Variants in NBN observed in about 807,000 individuals in gnomAD.
NBN encodes the protein Nijmegen breakage syndrome 1 (nibrin).
A neutral mutation model predicts 90.8 loss-of-function variants in NBN; 88 were observed. The ratio of observed to expected loss-of-function variants is 0.97; its 90% confidence interval spans 0.82 to 1.16. The LOEUF is 1.16. Ranked by LOEUF, NBN falls within the 50% of genes most tolerant of loss-of-function variation. The pLI, the probability that NBN is intolerant of heterozygous loss-of-function variation, is 0.00. For missense variants in NBN, 894 were observed against 869.6 expected, an observed-to-expected ratio of 1.03 and a Z score of -0.35; for synonymous variants, 328 against 295.1, an observed-to-expected ratio of 1.11 and a Z score of -1.14.
chr8:89,940,554 A>G (rs1809891505), intron 14 of NBN, among the ~76,000 whole-genome samples: 1 of 152,076 alleles, frequency 6.6e-6, no homozygotes, highest in African/African-American at 2.4e-5. Context: ...AGCAAACAGA[A>G]TATCTGGAAA....
At position 89,984,607 on chromosome 8, in the gene NBN, G is replaced by C. The variant is rs751549166; in HGVS notation, c.-46C>G. 2 of 1,608,618 alleles carry C rather than the reference G, an allele frequency of 1.2e-6. No homozygotes were observed. Among genetic ancestry groups the C allele is most frequent in the South Asian group, 1.1e-5 (1 of 90,462 alleles). ...GGGGCCGACGTGCAACCGCGTAACC[G>C]GGGCTGCTAGACGAGCGCGGATACG... On this transcript the variant is annotated 5_prime_UTR_variant, in exon 1 of 16. Coordinates refer to ENST00000265433, the MANE Select transcript of NBN (RefSeq NM_002485.5).
rs2130756258 is a variant in NBN at position 89,943,361 on chromosome 8, T to C, written c.2076A>G (p.Thr692=). Reference sequence around the variant, plus strand: ...GTGGAAGTTTTCCTGCTCCAGGATATGTGACCTATTGAATAATAAAAGTAG... The same window carrying C: ...GTGGAAGTTTTCCTGCTCCAGGATACGTGACCTATTGAATAATAAAAGTAG... ...LKNFKKFKKV[T]YPGAGKLPHI... Residue 692 remains threonine (T), a synonymous_variant, in exon 14 of 16, where the codon ACA becomes ACG. Transcript: ENST00000265433. 1.9e-6 allele frequency: 3 copies of C among 1,601,014 alleles called. No homozygotes were observed. Among genetic ancestry groups the C allele is most frequent in the Non-Finnish European group, 2.6e-6 (3 of 1,168,306 alleles).
intron 11 of NBN, among the ~76,000 whole-genome samples, chr8:89,949,367 T>C (rs1234869343): frequency 6.6e-6 from 1 of 152,252 alleles, no homozygotes; most frequent in Non-Finnish European, 1.5e-5. Context: ...GAAAATGCTG[T>C]AGTTTTAAGA....
intron 8 of NBN, among the ~76,000 whole-genome samples, chr8:89,962,286 G>C (rs976706685): frequency 2.0e-5 from 3 of 152,140 alleles, no homozygotes; most frequent in African/African-American, 7.2e-5. Flanking sequence ...TTTCTAAACA[G>C]AGAAACACAG....
chr8:89,944,610 G>A (rs1810105065), intron 13 of NBN, among the ~76,000 whole-genome samples: 1 of 152,084 alleles, frequency 6.6e-6, no homozygotes, highest in Non-Finnish European at 1.5e-5. Context: ...CTGGTGCTGG[G>A]GCTCTGATAC....
At chr8:89,939,401 A>G (rs1809833574) in intron 14 of NBN, among the ~76,000 whole-genome samples, 1 of 151,986 alleles carries the variant, frequency 6.6e-6, no homozygotes, top group Non-Finnish European at 1.5e-5. Context: ...TGGTGAAATC[A>G]TCTAGAACAC....
At chr8:89,937,222 T>C (rs1259440315) in intron 14 of NBN, 147 bp from the exon 15 acceptor site, 1 of 686,292 alleles carries the variant, frequency 1.5e-6, no homozygotes, top group African/African-American at 1.8e-5. Context: ...AATATTTCAT[T>C]CAACTGATCC....
At chr8:89,958,085 C>T (rs1409243942) in intron 9 of NBN, among the ~76,000 whole-genome samples, 1 of 152,080 alleles carries the variant, frequency 6.6e-6, no homozygotes, top group African/African-American at 2.4e-5. Context: ...AACCTAGATC[C>T]CTCACATGCA....
At chr8:89,961,069 C>G (rs761916523) in intron 8 of NBN, among the ~76,000 whole-genome samples, 10 of 152,176 alleles carry the variant, frequency 6.6e-5, no homozygotes, top group Non-Finnish European at 1.5e-4. Context: ...CAGAAAAAAG[C>G]ACCAGTCTGG....
rs747493132 is a variant in NBN at position 89,984,590 on chromosome 8, C to T, written c.-29G>A. ...TCCGGCTCCTCAGGGCTGGGGCCGA[C>T]GTGCAACCGCGTAACCGGGGCTGCT... On this transcript the variant is annotated 5_prime_UTR_variant, in exon 1 of 16. Coordinates refer to ENST00000265433, the MANE Select transcript of NBN (RefSeq NM_002485.5). 3.1e-6 allele frequency: 5 copies of T among 1,611,822 alleles called. No homozygotes were observed. The highest frequency in any genetic ancestry group is 1.1e-5 in the South Asian group (1 of 90,868).
At chr8:89,961,231 ACAAT>A (rs1295911739) in intron 8 of NBN, among the ~76,000 whole-genome samples, 1 of 152,240 alleles carries the variant, frequency 6.6e-6, no homozygotes, top group Non-Finnish European at 1.5e-5. Flanking sequence ...ACAGTGGGTG[ACAAT>A]ATTTTGTTGC....
chr8:89,960,681 A>C (rs1025659712), intron 8 of NBN, among the ~76,000 whole-genome samples: 2 of 152,106 alleles, frequency 1.3e-5, no homozygotes, highest in African/African-American at 4.8e-5. Context: ...CTAATGACCC[A>C]AAATAACTGG....
chr8:89,953,795 G>A (rs753141411), intron 10 of NBN, 104 bp from the exon 11 acceptor site: 2 of 847,844 alleles, frequency 2.4e-6, no homozygotes, highest in Non-Finnish European at 3.7e-6. Context: ...AGTTCACAAT[G>A]TACTCTTGAT....
At chr8:89,973,105 C>G (rs2293775) in intron 5 of NBN, among the ~76,000 whole-genome samples, 77,183 of 152,086 alleles carry the variant, frequency 0.51, 21,921 homozygotes, top group African/African-American at 0.77. Context: ...TTATTAGTGT[C>G]ATTCTTTAAC....
At position 89,955,273 on chromosome 8, in the gene NBN, A is replaced by G. The variant is rs1554558985; in HGVS notation, c.1397+10T>C. 6.2e-7 allele frequency: 1 copy of G among 1,613,408 alleles called. No individual in the cohort carries two copies. On this transcript the variant is annotated intron_variant, in intron 10 of 15. Coordinates refer to ENST00000265433, the MANE Select transcript of NBN (RefSeq NM_002485.5). ...TTTCAGAGACATGAGAGAAGTTATCAAAAACAGACCTTTTTTTGGTAGACG... is the reference window on the plus strand; with the variant it reads ...TTTCAGAGACATGAGAGAAGTTATCGAAAACAGACCTTTTTTTGGTAGACG...
intron 5 of NBN, among the ~76,000 whole-genome samples, chr8:89,972,332 T>C (rs1381663996): frequency 1.3e-5 from 2 of 152,346 alleles, no homozygotes; most frequent in South Asian, 2.1e-4. Flanking sequence ...TTCACTACAA[T>C]AGATGCTGTA....
chr8:89,961,415 T>C (rs1810986292), intron 8 of NBN, among the ~76,000 whole-genome samples: 1 of 152,120 alleles, frequency 6.6e-6, no homozygotes, highest in Admixed American at 6.6e-5. Flanking sequence ...ACTGGTTATA[T>C]CCAAAGTAGG....
intron 5 of NBN, among the ~76,000 whole-genome samples, chr8:89,977,543 A>G (rs559094884): frequency 3.3e-5 from 5 of 152,306 alleles, no homozygotes; most frequent in East Asian, 3.9e-4. Context: ...ATATGTGTGC[A>G]TGTGTCTTTA....
Position 89,981,504 on chromosome 8 carries a change from G to A in NBN, c.191C>T (p.Pro64Leu), listed in dbSNP as rs1563581492. 6.2e-7 allele frequency: 1 copy of A among 1,612,956 alleles called. No homozygotes were observed. The highest frequency in any genetic ancestry group is 8.5e-7 in the Non-Finnish European group (1 of 1,179,144). ...VTNLSQTDEIPVLTLKDNSKY... is the reference protein window; with the variant it reads ...VTNLSQTDEILVLTLKDNSKY... ...AGAATTATCTTTTAATGTCAATACAGGGATTTCATCTGTTTGACTCTGAAA... is the reference window on the plus strand; with the variant it reads ...AGAATTATCTTTTAATGTCAATACAAGGATTTCATCTGTTTGACTCTGAAA... The change falls in exon 3 of 16, where the codon CCT becomes CTT. Residue 64 changes from proline to leucine, a missense_variant. By Grantham distance (98) the Pro-to-Leu change is moderately conservative (BLOSUM62 -3). Transcript: ENST00000265433.
Sources: allele counts gnomAD v4.1 joint callset (sites outside exome capture counted in the v4.1 genomes callset), GRCh38; gene constraint gnomAD v4.1.1; transcripts MANE v1.5; gene names NCBI Gene and HGNC (gene_info 2026-07-23, HGNC 2026-07-21).